ABLIM2: variants seen among roughly 807,000 people sequenced by gnomAD.
ABLIM2 encodes actin-binding LIM protein 2.
A neutral mutation model predicts 97.7 loss-of-function variants in ABLIM2; 53 were observed. The ratio of observed to expected loss-of-function variants is 0.54; its 90% confidence interval spans 0.44 to 0.68. The LOEUF (loss-of-function observed/expected upper bound fraction) is 0.68, where lower values mean the gene tolerates loss of function less well. Ranked by LOEUF, ABLIM2 falls within the 30% of genes least tolerant of loss-of-function variation. The pLI is 0.00. For synonymous variants in ABLIM2, 361 were observed against 345.8 expected, an observed-to-expected ratio of 1.04 and a Z score of -0.49; for missense variants, 835 against 867.2, an observed-to-expected ratio of 0.96 and a Z score of 0.47.
rs529249501 is a variant in ABLIM2, at chr4:8,128,392, C to T, written c.11-21755G>A. Among the ~76,000 whole-genome samples the T allele has an allele frequency of 4.6e-5, 7 of 152,312 alleles. No individual in the cohort carries two copies. Among genetic ancestry groups the T allele is most frequent in the South Asian group, 2.1e-4 (1 of 4,824 alleles). ...AGCGAATCAGAGTCCAGCACCCCGT[C>T]ATAGGATGCGTTGCACCTGCACACC... On this transcript the variant is annotated intron_variant, in intron 1 of 20. Transcript: ENST00000447017. The surrounding 1 kb of genome is among the most constrained non-coding windows in gnomAD (Gnocchi z 4.9).
At chr4:8,027,031 T>C (rs1777866696) in intron 12 of ABLIM2, among the ~76,000 whole-genome samples, 1 of 152,132 alleles carries the variant, frequency 6.6e-6, no homozygotes, top group South Asian at 2.1e-4. Context: ...GGAGCGAGCT[T>C]TGGCGTCTCT....
intron 16 of ABLIM2, chr4:8,007,748 C>T (rs561161891): frequency 4.4e-5 from 49 of 1,123,890 alleles, no homozygotes; most frequent in African/African-American, 6.5e-5. Context: ...CCCGGCAGCC[C>T]GGACGCCTTT....
Position 8,017,298 on chromosome 4 carries a change from A to T in ABLIM2, c.1423+2320T>A, listed in dbSNP as rs868841651. On this transcript the variant is annotated intron_variant, in intron 14 of 20. Transcript: ENST00000447017. Reference sequence around the variant, plus strand: ...TTCCCTATTTATTATTATTATTATTATTATTTTTTTTTTTCAGAGAGAGTC... The same window carrying T: ...TTCCCTATTTATTATTATTATTATTTTTATTTTTTTTTTTCAGAGAGAGTC... Among the ~76,000 whole-genome samples the T allele has an allele frequency of 1.8e-3, 264 of 145,416 alleles. 1 individual carries two copies. The highest frequency in any genetic ancestry group is 0.012 in the South Asian group (54 of 4,588).
At chr4:8,100,900 G>A (rs1834247210) in intron 2 of ABLIM2, among the ~76,000 whole-genome samples, 1 of 152,170 alleles carries the variant, frequency 6.6e-6, no homozygotes, top group African/African-American at 2.4e-5. Context: ...GAATTTGGGA[G>A]GATATTGACA....
At chr4:8,045,721 G>A (rs1044734412) in intron 8 of ABLIM2, among the ~76,000 whole-genome samples, 9 of 152,282 alleles carry the variant, frequency 5.9e-5, no homozygotes, top group East Asian at 1.9e-4. Context: ...AAACACACAG[G>A]CTTGGATGAA....
chr4:8,056,545 C>T (rs1301750170), intron 7 of ABLIM2, among the ~76,000 whole-genome samples: 2 of 151,904 alleles, frequency 1.3e-5, no homozygotes, highest in African/African-American at 2.4e-5. Flanking sequence ...AAGCAATCTG[C>T]CTGCCTTGGC....
At chr4:8,117,038 C>T (rs1004884785) in intron 1 of ABLIM2, among the ~76,000 whole-genome samples, 4 of 152,234 alleles carry the variant, frequency 2.6e-5, no homozygotes, top group African/African-American at 9.7e-5. Flanking sequence ...TGGCTCCAGA[C>T]CTCTCTAGAG....
rs913107994 is a variant in ABLIM2 at position 8,158,726 on chromosome 4, G to A, written c.-37C>T. Reference sequence around the variant, plus strand: ...CTCGGAGTCGGGGCGGCCCGGCGCTGCGACAGCCAGACCCTCGGGCCCGCA... The same window carrying A: ...CTCGGAGTCGGGGCGGCCCGGCGCTACGACAGCCAGACCCTCGGGCCCGCA... On this transcript the variant is annotated 5_prime_UTR_variant, in exon 1 of 21. Coordinates refer to ENST00000447017, the MANE Select transcript of ABLIM2 (RefSeq NM_001130083.2). 7 of 1,428,476 alleles carry A rather than the reference G, an allele frequency of 4.9e-6. No homozygotes were observed. Among genetic ancestry groups the A allele is most frequent in the African/African-American group, 1.5e-5 (1 of 67,680 alleles). The allele number at this position is 1,428,476 out of a possible 1,614,324, so 88.5% of individuals were successfully genotyped here.
At chr4:8,036,853 A>G (rs1356981729) in intron 9 of ABLIM2, among the ~76,000 whole-genome samples, 1 of 151,966 alleles carries the variant, frequency 6.6e-6, no homozygotes, top group African/African-American at 2.4e-5. Context: ...GCAAACACAC[A>G]CACTGCACAC....
rs182635670 is a variant in ABLIM2 at position 8,099,955 on chromosome 4, T to A, written c.155-2673A>T. On this transcript the variant is annotated intron_variant, in intron 2 of 20. Transcript: ENST00000447017. ...AAATCCTTATGGAGACAACACATTG[T>A]TCTTATATTGCATTTTGCAATTTAT... is the stretch of plus-strand genomic sequence containing the variant. Among the ~76,000 whole-genome samples, 67 of 152,326 alleles carry A rather than the reference T, an allele frequency of 4.4e-4. 1 individual carries two copies. The highest frequency in any genetic ancestry group is 1.8e-4 in the Non-Finnish European group (12 of 68,022).
rs920853303 is a variant in ABLIM2, at chr4:8,147,940, C to T, written c.10+10740G>A. Among the ~76,000 whole-genome samples the T allele has an allele frequency of 1.9e-4, 29 of 152,210 alleles. No individual in the cohort carries two copies. The highest frequency in any genetic ancestry group is 7.0e-4 in the African/African-American group (29 of 41,456). ...AACCCTTTCTTTAATGGGTGAATCGCCCTTTAATCACGAAGTCAGCCCTAG... is the reference window on the plus strand; with the variant it reads ...AACCCTTTCTTTAATGGGTGAATCGTCCTTTAATCACGAAGTCAGCCCTAG... On this transcript the variant is annotated intron_variant, in intron 1 of 20. Coordinates refer to ENST00000447017, the MANE Select transcript of ABLIM2 (RefSeq NM_001130083.2). The surrounding 1 kb of genome is among the most constrained non-coding windows in gnomAD (Gnocchi z 5.3).
intron 16 of ABLIM2, chr4:8,007,058 T>C (rs917736336): frequency 1.0e-6 from 1 of 985,322 alleles, no homozygotes; most frequent in African/African-American, 1.7e-5. Context: ...TAACACATCA[T>C]CATTTCCAAG....
intron 1 of ABLIM2, among the ~76,000 whole-genome samples, chr4:8,142,545 C>A (rs1406316574): frequency 1.3e-5 from 2 of 152,236 alleles, no homozygotes; most frequent in Admixed American, 6.5e-5. Context: ...CCCACCCCAG[C>A]CCTCTGCTGC....
chr4:8,135,739 G>A (rs1039552432), intron 1 of ABLIM2, among the ~76,000 whole-genome samples: 2 of 152,226 alleles, frequency 1.3e-5, no homozygotes, highest in Non-Finnish European at 2.9e-5. Flanking sequence ...CGCAGATGAC[G>A]CGGGTTCCGA....
rs78787587 is a variant in ABLIM2, at chr4:8,127,449, T to C, written c.11-20812A>G. On this transcript the variant is annotated intron_variant, in intron 1 of 20. Coordinates refer to ENST00000447017, the MANE Select transcript of ABLIM2 (RefSeq NM_001130083.2). This position sits in a 1 kb window ranked among gnomAD's most constrained non-coding sequence, Gnocchi z 7.3. ...TTTCCCACCAGACCCCTGAAGCTGA[T>C]TCATGGAGCTCACAGCTCCCAGTCC... 0.11 allele frequency: 143,131 copies of C among 1,261,984 alleles called. 8,771 individuals carry two copies. Among genetic ancestry groups the C allele is most frequent in the Admixed American group, 0.2 (8,710 of 42,956 alleles). The allele number at this position is 1,261,984 out of a possible 1,614,324, so 78.2% of individuals were successfully genotyped here. A position where few individuals can be genotyped will look rare whatever the true frequency, so the allele number is the denominator to read the frequency against.
At position 8,019,469 on chromosome 4, in the gene ABLIM2, G is replaced by C; in HGVS notation, c.1423+149C>G. ...ACAGGACTCTCGGGAGGCTGCTAGT[G>C]AATTTGCATTTAATAGTCAGACTGC... On this transcript the variant is annotated intron_variant, in intron 14 of 20. Coordinates refer to ENST00000447017, the MANE Select transcript of ABLIM2 (RefSeq NM_001130083.2). The surrounding 1 kb of genome is among the most constrained non-coding windows in gnomAD (Gnocchi z 4.3). 3.0e-6 allele frequency: 2 copies of C among 663,248 alleles called. No homozygotes were observed. Among genetic ancestry groups the C allele is most frequent in the Middle Eastern group, 4.2e-4 (1 of 2,386 alleles). The allele number at this position is 663,248 out of a possible 1,614,324, so 41.1% of individuals were successfully genotyped here.
intron 1 of ABLIM2, among the ~76,000 whole-genome samples, chr4:8,134,847 C>T (rs1849954338): frequency 6.6e-6 from 1 of 152,232 alleles, no homozygotes; most frequent in Non-Finnish European, 1.5e-5. Context: ...ATTCCTCTTC[C>T]AGGAATATCC....
rs150661688 is a variant in ABLIM2 at position 8,019,454 on chromosome 4, C to T, written c.1423+164G>A. Among the ~76,000 whole-genome samples, 25 of 152,270 alleles carry T rather than the reference C, an allele frequency of 1.6e-4. 1 individual carries two copies. The East Asian group carries it at 4.8e-3, about 29-fold the overall frequency. ...TCGTAATTTATCAGAACAGGACTCT[C>T]GGGAGGCTGCTAGTGAATTTGCATT... On this transcript the variant is annotated intron_variant, in intron 14 of 20. Coordinates refer to ENST00000447017, the MANE Select transcript of ABLIM2 (RefSeq NM_001130083.2). This position sits in a 1 kb window ranked among gnomAD's most constrained non-coding sequence, Gnocchi z 4.3.
intron 1 of ABLIM2, among the ~76,000 whole-genome samples, chr4:8,154,284 T>C (rs1468224963): frequency 2.1e-5 from 1 of 47,666 alleles, no homozygotes; most frequent in African/African-American, 4.0e-5. Flanking sequence ...TTCTTTTCTT[T>C]TTTTTTTTTT....
Sources: gnomAD v4.1 joint callset for allele counts (sites outside exome capture counted in the v4.1 genomes callset) on GRCh38, gnomAD v4.1.1 for gene constraint, Gnocchi (gnomAD v3.1) non-coding constraint, MANE v1.5 for transcripts, NCBI Gene and HGNC (gene_info 2026-07-23, HGNC 2026-07-21) for gene names.